SPHKAP: variants seen among roughly 807,000 people sequenced by gnomAD.
SPHKAP encodes A-kinase anchor protein SPHKAP.
In SPHKAP, 67 loss-of-function variants were observed where a neutral mutation model predicts 137.5. The observed-to-expected ratio is 0.49, with a 90% CI of 0.40 to 0.60. The LOEUF is 0.60. SPHKAP is among the 20% of genes least tolerant of loss of function. The pLI is 0.00. For missense variants in SPHKAP, 2,097 were observed against 2,069.3 expected (o/e 1.01, Z -0.26); for synonymous variants, 813 against 785.3 (o/e 1.04, Z -0.59).
intron 1 of SPHKAP, among the ~76,000 whole-genome samples, chr2:228,180,968 A>C (rs1459177015): frequency 6.6e-6 from 1 of 151,964 alleles, no homozygotes; most frequent in African/African-American, 2.4e-5. Context: ...TAAAGAAGGA[A>C]CTCGCAGACT....
intron 1 of SPHKAP, among the ~76,000 whole-genome samples, chr2:228,138,911 A>G (rs2106383587): frequency 2.6e-5 from 1 of 39,074 alleles, no homozygotes; most frequent in East Asian, 1.1e-3. Flanking sequence ...TCAAGAAAAG[A>G]TGGGCTTTTT....
At chr2:228,100,125 C>T (rs1698144288) in intron 3 of SPHKAP, among the ~76,000 whole-genome samples, 1 of 152,168 alleles carries the variant, frequency 6.6e-6, no homozygotes, top group Admixed American at 6.5e-5. Flanking sequence ...GCTGGGATTA[C>T]AAGCGTGAGC....
chr2:228,061,738 C>T (rs7582741), intron 3 of SPHKAP, among the ~76,000 whole-genome samples: 143,818 of 148,042 alleles, frequency 0.97, 69,817 homozygotes, highest in Middle Eastern at 0.99. Flanking sequence ...TATATATATA[C>T]ACACACACAC....
At chr2:228,132,165 C>T (rs2106375677) in intron 1 of SPHKAP, 80 bp from the exon 2 acceptor site, 1 of 1,160,408 alleles carries the variant, frequency 8.6e-7, no homozygotes, top group Non-Finnish European at 1.3e-6. Flanking sequence ...TAAATCACAA[C>T]ATGGTGTATC....
At chr2:228,169,385 ACTTTAACT>A (rs1357752310) in intron 1 of SPHKAP, among the ~76,000 whole-genome samples, 2 of 152,226 alleles carry the variant, frequency 1.3e-5, no homozygotes, top group East Asian at 3.9e-4. Flanking sequence ...GCAGCTGGTG[ACTTTAACT>A]GGAAGCTAAT....
rs200013987 is a variant in SPHKAP at position 228,132,008 on chromosome 2, G to T, written c.110C>A (p.Pro37Gln). 1 of 1,613,976 alleles carries T rather than the reference G, an allele frequency of 6.2e-7. No individual in the cohort carries two copies. Among genetic ancestry groups the T allele is most frequent in the Non-Finnish European group, 8.5e-7 (1 of 1,179,956 alleles). ...CTTACAGGCTGTGATGGAGTTCCCC[G>T]GGCCGCTTCCTGAGCTGCCACAGCC... ...GRGCGSSGSG[P>Q]GNSITACKKV... The change falls in exon 2 of 12, where the codon CCG becomes CAG. Residue 37 changes from proline to glutamine, a missense_variant. By Grantham distance (76) the Pro-to-Gln change is moderately conservative. Transcript: ENST00000392056.
intron 3 of SPHKAP, among the ~76,000 whole-genome samples, chr2:228,054,645 A>C (rs1005517524): frequency 6.6e-6 from 1 of 152,134 alleles, no homozygotes; most frequent in African/African-American, 2.4e-5. Flanking sequence ...AATTTCTAAA[A>C]GTGGGACTTG....
intron 3 of SPHKAP, among the ~76,000 whole-genome samples, chr2:228,075,766 AAGC>A (rs2106307499): frequency 6.6e-6 from 1 of 152,330 alleles, no homozygotes; most frequent in African/African-American, 2.4e-5. Context: ...GTTAAATTAG[AAGC>A]AGCTAATAGA....
intron 1 of SPHKAP, among the ~76,000 whole-genome samples, chr2:228,167,517 C>T (rs542322893): frequency 6.6e-6 from 1 of 152,042 alleles, no homozygotes; most frequent in East Asian, 1.9e-4. Flanking sequence ...TTATATGGGG[C>T]CAAGATTTTG....
intron 2 of SPHKAP, among the ~76,000 whole-genome samples, chr2:228,126,160 G>A (rs77110616): frequency 1.3e-5 from 2 of 152,054 alleles, no homozygotes; most frequent in African/African-American, 4.8e-5. Flanking sequence ...GGGATTCTAG[G>A]GGGAGAACTT....
At position 228,019,108 on chromosome 2, in the gene SPHKAP, T is replaced by G; in HGVS notation, c.1746A>C (p.Ser582=). The G allele has an allele frequency of 6.2e-7, 1 of 1,614,052 alleles. No homozygotes were observed. Among genetic ancestry groups the G allele is most frequent in the Non-Finnish European group, 8.5e-7 (1 of 1,180,012 alleles). Residue 582 remains serine, a synonymous_variant, in exon 7 of 12, where the codon TCA becomes TCC. Coordinates refer to ENST00000392056, the MANE Select transcript of SPHKAP (RefSeq NM_001142644.2). ...GLGEREEVTC[S]VAPSGSLPPA... is the part of the protein sequence containing the mutation. ...GCGGGAGGCTACCACTTGGAGCCAC[T>G]GAGCATGTCACCTCTTCTCTTTCAC...
At position 228,016,807 on chromosome 2, in the gene SPHKAP, A is replaced by G. The variant is rs1694615297; in HGVS notation, c.4047T>C (p.Asn1349=). ...TGCACATCCTGCTCGCAGCTAATCTATTTGCACACTTCTCTGCTTGCGAGG... is the reference window on the plus strand; with the variant it reads ...TGCACATCCTGCTCGCAGCTAATCTGTTTGCACACTTCTCTGCTTGCGAGG... ...GSPSQAEKCA[N]RLAASRMCSG... is the part of the protein sequence containing the mutation. The change falls in exon 7 of 12, where the codon AAT becomes AAC. Residue 1349 remains asparagine, a synonymous_variant. Coordinates refer to ENST00000392056, the MANE Select transcript of SPHKAP (RefSeq NM_001142644.2). 7 of 1,613,942 alleles carry G rather than the reference A, an allele frequency of 4.3e-6. No homozygotes were observed. Among genetic ancestry groups the G allele is most frequent in the Non-Finnish European group, 5.9e-6 (7 of 1,179,988 alleles).
chr2:228,070,242 A>C (rs955897752), intron 3 of SPHKAP, among the ~76,000 whole-genome samples: 2 of 152,198 alleles, frequency 1.3e-5, no homozygotes, highest in Non-Finnish European at 2.9e-5. Flanking sequence ...TGATTCATAT[A>C]ATAAAATAAG....
At position 228,019,140 on chromosome 2, in the gene SPHKAP, C is replaced by G; in HGVS notation, c.1714G>C (p.Gly572Arg). ...GTCACCTCTTCTCTTTCACCCAGAC[C>G]ACAGACAGCCACGGCACTGGCCACC... ...TQVASAVAVC[G>R]LGEREEVTCS... Residue 572 changes from glycine to arginine, a missense_variant, in exon 7 of 12, where the codon GGT becomes CGT. By Grantham distance (125) the Gly-to-Arg change is moderately radical. Coordinates refer to ENST00000392056, the MANE Select transcript of SPHKAP (RefSeq NM_001142644.2). 6.2e-7 allele frequency: 1 copy of G among 1,613,850 alleles called. No homozygotes were observed. The highest frequency in any genetic ancestry group is 8.5e-7 in the Non-Finnish European group (1 of 1,180,022).
In SPHKAP at chr2:228,181,078, C is replaced by T. The variant is rs985791745; in HGVS notation, c.32+489G>A. 6.6e-5 allele frequency among the ~76,000 whole-genome samples: 10 copies of T among 151,986 alleles called. No homozygotes were observed. The highest frequency in any genetic ancestry group is 2.4e-4 in the African/African-American group (10 of 41,376). ...CTCGCTTTGGGGGCAGTCTAGGTGT[C>T]GGTCGGGGGTGAGGGACAATCTTCC... On this transcript the variant is annotated intron_variant, in intron 1 of 11. Coordinates refer to ENST00000392056, the MANE Select transcript of SPHKAP (RefSeq NM_001142644.2). The surrounding 1 kb of genome is among the most constrained non-coding windows in gnomAD (Gnocchi z 4.3).
intron 1 of SPHKAP, chr2:228,169,644 ATGT>A (rs750222062): frequency 3.3e-5 from 5 of 152,110 alleles, no homozygotes; most frequent in African/African-American, 4.8e-5. Context: ...AAGAAAATTA[ATGT>A]TGTTTTTATG....
intron 3 of SPHKAP, among the ~76,000 whole-genome samples, chr2:228,053,686 C>T (rs2106276342): frequency 6.6e-6 from 1 of 152,278 alleles, no homozygotes; most frequent in South Asian, 2.1e-4. Flanking sequence ...CCTGCTACTT[C>T]ACTAAGTCTA....
At chr2:227,999,639 GTATTT>G (rs914468879) in intron 7 of SPHKAP, among the ~76,000 whole-genome samples, 9 of 152,172 alleles carry the variant, frequency 5.9e-5, no homozygotes, top group Non-Finnish European at 1.0e-4. Context: ...GTCTGTCAGT[GTATTT>G]TACTTTATCT....
chr2:228,000,218 G>A (rs1484491983), intron 7 of SPHKAP, among the ~76,000 whole-genome samples: 1 of 152,210 alleles, frequency 6.6e-6, no homozygotes, highest in African/African-American at 2.4e-5. Context: ...GGTGGCTCAC[G>A]CCTGTAATCC....
Sources: gnomAD v4.1 joint callset for allele counts (sites outside exome capture counted in the v4.1 genomes callset) on GRCh38, gnomAD v4.1.1 for gene constraint, Gnocchi (gnomAD v3.1) non-coding constraint, MANE v1.5 for transcripts, NCBI Gene and HGNC (gene_info 2026-07-23, HGNC 2026-07-21) for gene names.